The following ZFHX3 variants were observed in gnomAD, a reference collection of about 807,000 sequenced individuals.
The protein encoded by ZFHX3 is zinc finger homeobox protein 3.
In ZFHX3, 42 loss-of-function variants were observed where a neutral mutation model predicts 279.1. That is an observed-to-expected ratio of 0.15 (90% CI 0.12 to 0.19). The LOEUF (loss-of-function observed/expected upper bound fraction) is 0.19, where lower values mean the gene tolerates loss of function less well. ZFHX3 is among the 10% of genes least tolerant of loss of function. ZFHX3 has a pLI of 1.00. For missense variants in ZFHX3, 4,981 were observed against 4,754.0 expected (o/e 1.05, Z -1.40); for synonymous variants, 2,293 against 1,957.8 (o/e 1.17, Z -4.52).
chr16:73,531,925 T>C lies in ZFHX3; in HGVS notation c.-1546-75667A>G, dbSNP rs182402513. Among the ~76,000 whole-genome samples the C allele has an allele frequency of 4.6e-4, 69 of 151,022 alleles. No individual in the cohort carries two copies. The East Asian group carries it at 0.013, about 28-fold the overall frequency. ...GCAACATAGTGAGACCCTGCTTCTA[T>C]AAAAAATTTAAAAATTGACTGGATA... is the stretch of plus-strand genomic sequence containing the variant. On this transcript the variant is annotated intron_variant, in intron 2 of 17. Transcript: ENST00000641206.
At chr16:73,704,670 T>C (rs750537517) in intron 1 of ZFHX3, among the ~76,000 whole-genome samples, 2 of 152,180 alleles carry the variant, frequency 1.3e-5, no homozygotes, top group Non-Finnish European at 2.9e-5. Context: ...AAGGACTTAA[T>C]TGTAAGTAGT....
At position 73,266,533 on chromosome 16, in the gene ZFHX3, G is replaced by A. The variant is rs2013980936; in HGVS notation, c.-1193-9397C>T. On this transcript the variant is annotated intron_variant, in intron 4 of 17. Coordinates refer to the ZFHX3 transcript ENST00000641206. ...GTGAAGGAGTAATATTCATCCACAT[G>A]TCTCCATTTTGCAGACGTGAAGACA... Among the ~76,000 whole-genome samples the A allele has an allele frequency of 2.0e-5, 3 of 152,152 alleles. No individual in the cohort carries two copies. The South Asian group carries it at 6.2e-4, about 31-fold the overall frequency.
At chr16:73,665,655 T>C (rs1337626859) in intron 2 of ZFHX3, among the ~76,000 whole-genome samples, 2 of 151,870 alleles carry the variant, frequency 1.3e-5, no homozygotes, top group East Asian at 1.9e-4. Context: ...AATTCCAGGA[T>C]ATCTGCTTTA....
At chr16:73,707,531 A>G (rs967661724) in intron 1 of ZFHX3, among the ~76,000 whole-genome samples, 1 of 143,738 alleles carries the variant, frequency 7.0e-6, no homozygotes, top group Non-Finnish European at 1.5e-5. Flanking sequence ...ATAGGTGGGA[A>G]CTGAACAATG....
At chr16:73,850,988 T>C (rs71388992) in intron 1 of ZFHX3, among the ~76,000 whole-genome samples, 4 of 152,180 alleles carry the variant, frequency 2.6e-5, no homozygotes, top group Non-Finnish European at 4.4e-5. Context: ...GCCACCTCCA[T>C]TATTTTATCC....
intron 2 of ZFHX3, among the ~76,000 whole-genome samples, chr16:73,456,990 G>C (rs2018382971): frequency 6.6e-6 from 1 of 152,212 alleles, no homozygotes; most frequent in Admixed American, 6.5e-5. Flanking sequence ...TGTTGAAAGG[G>C]ACAGATTGGA....
At chr16:72,843,617 G>A (rs910302170) in intron 4 of ZFHX3, among the ~76,000 whole-genome samples, 7 of 151,284 alleles carry the variant, frequency 4.6e-5, no homozygotes, top group African/African-American at 9.7e-5. Context: ...AGAAGTGCTC[G>A]GGGTGACGCT....
At chr16:73,075,113 G>A (rs760538255) in intron 8 of ZFHX3, among the ~76,000 whole-genome samples, 1 of 152,050 alleles carries the variant, frequency 6.6e-6, no homozygotes, top group Non-Finnish European at 1.5e-5. Flanking sequence ...CGGCCTTTTT[G>A]TTTGCTTGTT....
At chr16:73,029,409 C>A (rs1226046092) in intron 1 of ZFHX3, among the ~76,000 whole-genome samples, 1 of 152,184 alleles carries the variant, frequency 6.6e-6, no homozygotes, top group Non-Finnish European at 1.5e-5. Flanking sequence ...GACACAAGAG[C>A]CTCCTAAAGC....
intron 5 of ZFHX3, among the ~76,000 whole-genome samples, chr16:73,174,293 CAACAACAACAACAACAAA>C (rs1282538722): frequency 6.6e-6 from 1 of 151,650 alleles, no homozygotes; most frequent in African/African-American, 2.4e-5. Context: ...ACAACAACAA[CAACAACAACAACAACAAA>C]AGGAGGAATA....
At chr16:73,730,828 G>C (rs928099673) in intron 1 of ZFHX3, among the ~76,000 whole-genome samples, 10 of 152,130 alleles carry the variant, frequency 6.6e-5, no homozygotes, top group African/African-American at 2.4e-4. Flanking sequence ...AGTAAGACAA[G>C]GGAATTCTAA....
At chr16:73,292,836 T>C (rs1414045165) in intron 4 of ZFHX3, among the ~76,000 whole-genome samples, 1 of 152,174 alleles carries the variant, frequency 6.6e-6, no homozygotes, top group Non-Finnish European at 1.5e-5. Context: ...GTTCTGTTCA[T>C]GGACTAAAGC....
intron 7 of ZFHX3, among the ~76,000 whole-genome samples, chr16:73,107,988 A>T (rs8051973): frequency 7.2e-5 from 11 of 151,834 alleles, no homozygotes; most frequent in South Asian, 2.1e-4. Flanking sequence ...AGTGAAACCC[A>T]GTCTCTACTA....
intron 2 of ZFHX3, among the ~76,000 whole-genome samples, chr16:73,473,228 T>C (rs2018700183): frequency 6.6e-6 from 1 of 150,708 alleles, no homozygotes; most frequent in Non-Finnish European, 1.5e-5. Flanking sequence ...TTCCAGCTAC[T>C]CAGGATGCTG....
intron 1 of ZFHX3, among the ~76,000 whole-genome samples, chr16:73,732,888 G>T (rs1239977252): frequency 6.6e-6 from 1 of 152,180 alleles, no homozygotes; most frequent in Non-Finnish European, 1.5e-5. Flanking sequence ...CTGCATTAAG[G>T]CGGTGGGTTC....
intron 2 of ZFHX3, among the ~76,000 whole-genome samples, chr16:73,596,948 G>C (rs2052057032): frequency 6.6e-6 from 1 of 152,166 alleles, no homozygotes; most frequent in Non-Finnish European, 1.5e-5. Context: ...AAGAAAATCA[G>C]TGACTCCTCA....
intron 5 of ZFHX3, among the ~76,000 whole-genome samples, chr16:73,180,095 A>G (rs1967759451): frequency 6.6e-6 from 1 of 152,230 alleles, no homozygotes; most frequent in Non-Finnish European, 1.5e-5. Context: ...CTGTATAAAC[A>G]GATTGAAGAA....
chr16:73,743,076 T>G (rs1291401778), intron 1 of ZFHX3, among the ~76,000 whole-genome samples: 1 of 152,218 alleles, frequency 6.6e-6, no homozygotes, highest in East Asian at 1.9e-4. Context: ...ACACATAAAG[T>G]GAGAGTGTGT....
chr16:73,035,136 G>A (rs958357620), intron 1 of ZFHX3, among the ~76,000 whole-genome samples: 2 of 150,802 alleles, frequency 1.3e-5, no homozygotes, highest in African/African-American at 4.9e-5. Context: ...AAAAATACAG[G>A]ACTCCAAAGA....
Sources: allele counts gnomAD v4.1 joint callset (sites outside exome capture counted in the v4.1 genomes callset), GRCh38; gene constraint gnomAD v4.1.1; transcripts MANE v1.5; gene names NCBI Gene and HGNC (gene_info 2026-07-23, HGNC 2026-07-21).